ADAM12: variants seen among roughly 807,000 people sequenced by gnomAD.
ADAM12 encodes the protein disintegrin and metalloproteinase domain-containing protein 12.
Under a neutral mutation model 106.4 loss-of-function variants are expected in ADAM12, and 70 were observed. The observed-to-expected ratio is 0.66, with a 90% CI of 0.54 to 0.80. The LOEUF is 0.80. Ranked by LOEUF, ADAM12 falls within the 30% of genes least tolerant of loss-of-function variation. The pLI, the probability that ADAM12 is intolerant of heterozygous loss-of-function variation, is 0.00. For missense variants in ADAM12, 1,010 were observed against 1,171.9 expected (o/e 0.86, Z 2.02); for synonymous variants, 420 against 433.5 (o/e 0.97, Z 0.39).
At chr10:126,200,335 G>C (rs188886477) in intron 3 of ADAM12, among the ~76,000 whole-genome samples, 1 of 152,138 alleles carries the variant, frequency 6.6e-6, no homozygotes, top group Non-Finnish European at 1.5e-5. Context: ...CCCCAAACAC[G>C]ATCAGATGCC....
At chr10:126,054,290 C>T (rs538366969) in intron 14 of ADAM12, among the ~76,000 whole-genome samples, 29 of 152,138 alleles carry the variant, frequency 1.9e-4, no homozygotes, top group Non-Finnish European at 2.5e-4. Flanking sequence ...AAGTCACAGC[C>T]GAAGAATAAT....
chr10:126,337,136 C>T (rs1042691412), intron 1 of ADAM12, among the ~76,000 whole-genome samples: 4 of 150,400 alleles, frequency 2.7e-5, no homozygotes, highest in South Asian at 2.1e-4. Context: ...CAGGACAGGC[C>T]GTCTGCAAGC....
chr10:126,296,953 C>T (rs1960409974), intron 2 of ADAM12, among the ~76,000 whole-genome samples: 1 of 152,202 alleles, frequency 6.6e-6, no homozygotes, highest in African/African-American at 2.4e-5. Context: ...AAGCTGGTAG[C>T]TGCCAGGGGC....
chr10:126,250,402 G>T (rs961858801), intron 3 of ADAM12, among the ~76,000 whole-genome samples: 1 of 151,890 alleles, frequency 6.6e-6, no homozygotes, highest in Admixed American at 6.5e-5. Flanking sequence ...GAGCGTGTGT[G>T]TGTGTAGTCA....
At chr10:126,113,807 G>A (rs1206997825) in intron 6 of ADAM12, among the ~76,000 whole-genome samples, 4 of 145,534 alleles carry the variant, frequency 2.7e-5, no homozygotes, top group Non-Finnish European at 6.0e-5. Flanking sequence ...AGCTGAGAGT[G>A]CAGCAAGGAG....
At chr10:126,124,987 T>A (rs1258428979) in intron 5 of ADAM12, among the ~76,000 whole-genome samples, 1 of 151,732 alleles carries the variant, frequency 6.6e-6, no homozygotes, top group Non-Finnish European at 1.5e-5. Context: ...ATGAAAAGAT[T>A]CCCTGAGTCA....
At chr10:126,179,075 A>G (rs1306814463) in intron 3 of ADAM12, among the ~76,000 whole-genome samples, 1 of 152,050 alleles carries the variant, frequency 6.6e-6, no homozygotes. Context: ...AAAAAGAAGA[A>G]AAAGAAAATA....
chr10:126,269,503 G>A (rs1458449567), intron 3 of ADAM12, among the ~76,000 whole-genome samples: 2 of 152,164 alleles, frequency 1.3e-5, no homozygotes, highest in Non-Finnish European at 2.9e-5. Flanking sequence ...ATCCAGAAGA[G>A]ACAGGCCATA....
At chr10:126,163,896 A>T (rs1479821366) in intron 3 of ADAM12, among the ~76,000 whole-genome samples, 2 of 152,238 alleles carry the variant, frequency 1.3e-5, no homozygotes, top group African/African-American at 2.4e-5. Context: ...ATAGAAACGC[A>T]ACCCAATCTG....
At chr10:126,362,463 A>C (rs1855773815) in intron 1 of ADAM12, among the ~76,000 whole-genome samples, 1 of 152,166 alleles carries the variant, frequency 6.6e-6, no homozygotes, top group Non-Finnish European at 1.5e-5. Context: ...TACCCAAAAG[A>C]TTTGAAATCA....
intron 2 of ADAM12, among the ~76,000 whole-genome samples, chr10:126,306,637 C>T (rs957579390): frequency 1.3e-5 from 2 of 152,130 alleles, no homozygotes; most frequent in African/African-American, 4.8e-5. Flanking sequence ...AGAATTTTCT[C>T]CCAGTTTGAA....
At chr10:126,257,466 A>G (rs1306100050) in intron 3 of ADAM12, among the ~76,000 whole-genome samples, 1 of 152,234 alleles carries the variant, frequency 6.6e-6, no homozygotes, top group Non-Finnish European at 1.5e-5. Flanking sequence ...GAACTTCTCA[A>G]GCATGTGATA....
chr10:126,133,366 C>T (rs540995307), intron 5 of ADAM12, among the ~76,000 whole-genome samples: 3 of 152,248 alleles, frequency 2.0e-5, no homozygotes, highest in South Asian at 2.1e-4. Context: ...TCACACCCCA[C>T]GCTTCCTCAG....
intron 3 of ADAM12, among the ~76,000 whole-genome samples, chr10:126,156,038 A>G (rs1379278551): frequency 6.6e-6 from 1 of 152,228 alleles, no homozygotes; most frequent in Non-Finnish European, 1.5e-5. Flanking sequence ...TTATTTTCCA[A>G]TGTCTTACAT....
At chr10:126,026,296 T>TA (rs1953872036) in intron 21 of ADAM12, among the ~76,000 whole-genome samples, 1 of 152,222 alleles carries the variant, frequency 6.6e-6, no homozygotes, top group Admixed American at 6.5e-5. Context: ...CTATCCTAAA[T>TA]ATGTGTGCAT....
At position 126,127,082 on chromosome 10, in the gene ADAM12, C is replaced by T. The variant is rs968802116; in HGVS notation, c.416+8502G>A. ...TGCACGTCAAAGCTTCTTGCTGACT[C>T]GTGCACATGTCCAACAATATCTGCA... On this transcript the variant is annotated intron_variant, in intron 5 of 22. Coordinates refer to ENST00000448723, the MANE Select transcript of ADAM12 (RefSeq NM_001288973.2). Among the ~76,000 whole-genome samples, 17 of 152,176 alleles carry T rather than the reference C, an allele frequency of 1.1e-4. 1 individual carries two copies. Among genetic ancestry groups the T allele is most frequent in the Admixed American group, 1.0e-3 (16 of 15,288 alleles).
chr10:126,384,552 G>A (rs1233189230), intron 1 of ADAM12, among the ~76,000 whole-genome samples: 2 of 152,002 alleles, frequency 1.3e-5, no homozygotes, highest in Non-Finnish European at 2.9e-5. Context: ...GAGTCACATT[G>A]GAACAGGAGG....
At chr10:126,325,347 G>T (rs1005184831) in intron 2 of ADAM12, among the ~76,000 whole-genome samples, 3 of 152,192 alleles carry the variant, frequency 2.0e-5, no homozygotes, top group African/African-American at 2.4e-5. Flanking sequence ...GGAGGGAACT[G>T]GGGGGAGGCA....
chr10:126,231,322 G>A (rs1293696033), intron 3 of ADAM12, among the ~76,000 whole-genome samples: 4 of 151,084 alleles, frequency 2.6e-5, no homozygotes, highest in African/African-American at 9.7e-5. Flanking sequence ...TTATAACAAC[G>A]ATGTCTTCTT....
Sources: allele counts gnomAD v4.1 joint callset (sites outside exome capture counted in the v4.1 genomes callset), GRCh38; gene constraint gnomAD v4.1.1; transcripts MANE v1.5; gene names NCBI Gene and HGNC (gene_info 2026-07-23, HGNC 2026-07-21).